Variants in PXDNL observed in about 807,000 individuals in gnomAD.
PXDNL encodes the protein peroxidasin like.
PXDNL carries 145 observed loss-of-function variants against 150.8 expected under a neutral mutation model. The ratio of observed to expected loss-of-function variants is 0.96; its 90% CI spans 0.84 to 1.10. The LOEUF is 1.10. Ranked by LOEUF, PXDNL falls within the 50% of genes least tolerant of loss-of-function variation. PXDNL has a pLI of 0.00. For missense variants in PXDNL, 2,087 were observed against 1,873.9 expected, an observed-to-expected ratio of 1.11 and a Z score of -2.10; for synonymous variants, 757 against 725.7, an observed-to-expected ratio of 1.04 and a Z score of -0.69.
intron 1 of PXDNL, among the ~76,000 whole-genome samples, chr8:51,748,428 C>A (rs557502194): frequency 6.6e-6 from 1 of 152,116 alleles, no homozygotes; most frequent in African/African-American, 2.4e-5. Flanking sequence ...TTGCTCCAGA[C>A]GGTGAGCAGC....
chr8:51,641,257 C>G (rs199914267), intron 2 of PXDNL, among the ~76,000 whole-genome samples: 4 of 151,118 alleles, frequency 2.6e-5, no homozygotes, highest in East Asian at 1.9e-4. Context: ...AACCCTAGAA[C>G]AAAACCTAGG....
At chr8:51,418,519 T>C (rs1011421282) in intron 14 of PXDNL, among the ~76,000 whole-genome samples, 1 of 152,196 alleles carries the variant, frequency 6.6e-6, no homozygotes, top group African/African-American at 2.4e-5. Flanking sequence ...ATGACAAATA[T>C]TGGGATTAAA....
intron 19 of PXDNL, among the ~76,000 whole-genome samples, chr8:51,347,929 C>T (rs534602736): frequency 2.1e-4 from 32 of 152,000 alleles, no homozygotes; most frequent in Middle Eastern, 3.4e-3. Flanking sequence ...GAAATATTTA[C>T]GAAGAATACA....
rs1438670936 is a variant in PXDNL, at chr8:51,457,522, T to C, written c.958A>G (p.Met320Val). ...CCTGGAAGACTGGAGTATCTGAGCA[T>C]GGCACTCTGTGTCTTGGCTTCCCCA... ...SAGEAKTQSAMLRYSSLPAKP... is the reference protein window; with the variant it reads ...SAGEAKTQSAVLRYSSLPAKP... Residue 320 changes from methionine (M) to valine (V), a missense_variant, in exon 9 of 23, where the codon ATG (methionine) becomes GTG (valine). Physicochemically the swap from Met to Val is conservative, Grantham distance 21 (BLOSUM62 1). Coordinates refer to ENST00000356297, the MANE Select transcript of PXDNL (RefSeq NM_144651.5). 4.3e-6 allele frequency: 7 copies of C among 1,612,850 alleles called. No individual in the cohort carries two copies. Among genetic ancestry groups the C allele is most frequent in the Admixed American group, 1.7e-5 (1 of 59,816 alleles).
At chr8:51,686,858 A>G (rs2130856391) in intron 1 of PXDNL, among the ~76,000 whole-genome samples, 1 of 152,304 alleles carries the variant, frequency 6.6e-6, no homozygotes. Context: ...AAGGCAAACA[A>G]TCTAAGAAAT....
rs373071589 is a variant in PXDNL at position 51,715,908 on chromosome 8, T to TA, written c.165-61149dup. ...ATTACCTGAAAGTTCAACAGAAGTTTAAAAAAAAAAATGCTATTCAGTCCA... is the reference window on the plus strand; with the variant it reads ...ATTACCTGAAAGTTCAACAGAAGTTTAAAAAAAAAAAATGCTATTCAGTCCA... On this transcript the variant is annotated intron_variant, in intron 1 of 22. Transcript: ENST00000356297. Among the ~76,000 whole-genome samples the TA allele has an allele frequency of 1.1e-3, 169 of 147,956 alleles. 1 individual carries two copies. The South Asian group carries it at 0.014, about 13-fold the overall frequency.
rs761400429 is a variant in PXDNL, at chr8:51,453,509, G to A, written c.1249+10C>T. Reference sequence around the variant, plus strand: ...AGGAACATTTCAATCATGACCTTCTGCTCCCATACCTTGTACAATTATGTT... The same window carrying A: ...AGGAACATTTCAATCATGACCTTCTACTCCCATACCTTGTACAATTATGTT... On this transcript the variant is annotated intron_variant, in intron 10 of 22. Transcript: ENST00000356297. 5.6e-6 allele frequency: 9 copies of A among 1,613,252 alleles called. No homozygotes were observed. In the African/African-American group the frequency reaches 1.2e-4, roughly 22 times the overall value.
chr8:51,411,363 G>T lies in PXDNL; in HGVS notation c.1949C>A (p.Pro650Gln). Residue 650 changes from proline to glutamine, a missense_variant, in exon 16 of 23, where the codon CCG becomes CAG. Pro to Gln is a moderately conservative substitution (Grantham distance 76, BLOSUM62 -1). Coordinates refer to ENST00000356297, the MANE Select transcript of PXDNL (RefSeq NM_144651.5). ...SSDLLAQFHY[P>Q]RDPLIVEMAR... ...CATTTCCACAATCAGTGGGTCACGCGGGTAATGAAATTGAGCCAGCAGGTC... is the reference window on the plus strand; with the variant it reads ...CATTTCCACAATCAGTGGGTCACGCTGGTAATGAAATTGAGCCAGCAGGTC... 1 of 1,580,064 alleles carries T rather than the reference G, an allele frequency of 6.3e-7. No individual in the cohort carries two copies. Among genetic ancestry groups the T allele is most frequent in the Non-Finnish European group, 8.6e-7 (1 of 1,167,530 alleles).
chr8:51,445,570 C>T (rs547266761), intron 12 of PXDNL, among the ~76,000 whole-genome samples: 21 of 152,270 alleles, frequency 1.4e-4, no homozygotes, highest in Non-Finnish European at 2.4e-4. Flanking sequence ...AGAGAGTCGA[C>T]GAAGCCTCCA....
At chr8:51,329,620 T>C (rs1805620354) in intron 21 of PXDNL, among the ~76,000 whole-genome samples, 1 of 152,138 alleles carries the variant, frequency 6.6e-6, no homozygotes, top group African/African-American at 2.4e-5. Flanking sequence ...ATTAATACAT[T>C]CATGACCCTA....
intron 2 of PXDNL, among the ~76,000 whole-genome samples, chr8:51,646,735 C>T (rs944708605): frequency 6.6e-6 from 1 of 151,994 alleles, no homozygotes; most frequent in Non-Finnish European, 1.5e-5. Context: ...GGTGTCAGAT[C>T]AAAGGAAGAC....
chr8:51,764,915 C>A (rs1287046049), intron 1 of PXDNL, among the ~76,000 whole-genome samples: 1 of 152,146 alleles, frequency 6.6e-6, no homozygotes, highest in Non-Finnish European at 1.5e-5. Context: ...CCAACTATTA[C>A]TGTTGAATTG....
At chr8:51,801,459 C>T (rs1426325937) in intron 1 of PXDNL, among the ~76,000 whole-genome samples, 4 of 152,128 alleles carry the variant, frequency 2.6e-5, no homozygotes, top group African/African-American at 4.8e-5. Context: ...CATGTTCATA[C>T]ACCCCCTCCC....
chr8:51,760,816 C>T (rs979789073), intron 1 of PXDNL, among the ~76,000 whole-genome samples: 1 of 131,446 alleles, frequency 7.6e-6, no homozygotes, highest in Non-Finnish European at 1.6e-5. Context: ...CAGCCAGGTT[C>T]ATGGTTAGCC....
At chr8:51,781,243 A>T (rs938479349) in intron 1 of PXDNL, among the ~76,000 whole-genome samples, 35 of 152,166 alleles carry the variant, frequency 2.3e-4, no homozygotes, top group African/African-American at 8.4e-4. Flanking sequence ...TCTACAGTGA[A>T]AAAGCGGAGA....
rs932520411 is a variant in PXDNL at position 51,608,461 on chromosome 8, C to T, written c.237-15763G>A. On this transcript the variant is annotated intron_variant, in intron 2 of 22. Coordinates refer to ENST00000356297, the MANE Select transcript of PXDNL (RefSeq NM_144651.5). Reference sequence around the variant, plus strand: ...CCCAAAGTCATGATGTCATCAGGCTCATCTCAGGACAACTCTTTCATTGAC... The same window carrying T: ...CCCAAAGTCATGATGTCATCAGGCTTATCTCAGGACAACTCTTTCATTGAC... 2.0e-5 allele frequency among the ~76,000 whole-genome samples: 3 copies of T among 148,188 alleles called. 1 individual carries two copies. Among genetic ancestry groups the T allele is most frequent in the Admixed American group, 1.3e-4 (2 of 15,058 alleles).
At chr8:51,496,967 G>C (rs139350789) in intron 5 of PXDNL, among the ~76,000 whole-genome samples, 4 of 151,962 alleles carry the variant, frequency 2.6e-5, no homozygotes, top group African/African-American at 9.7e-5. Flanking sequence ...AAAAGAGCCC[G>C]GATTGCCAAG....
chr8:51,528,780 G>A (rs1256771441), intron 4 of PXDNL, among the ~76,000 whole-genome samples: 5 of 152,180 alleles, frequency 3.3e-5, no homozygotes, highest in Non-Finnish European at 4.4e-5. Context: ...GCAGGCCCAC[G>A]ACTGCCAGCA....
At chr8:51,573,900 C>T (rs565446698) in intron 3 of PXDNL, among the ~76,000 whole-genome samples, 42 of 151,740 alleles carry the variant, frequency 2.8e-4, no homozygotes, top group Non-Finnish European at 5.3e-4. Flanking sequence ...TTTAGTATTT[C>T]GAAGAAAATG....
Sources: gnomAD v4.1 joint callset for allele counts (sites outside exome capture counted in the v4.1 genomes callset) on GRCh38, gnomAD v4.1.1 for gene constraint, MANE v1.5 for transcripts, NCBI Gene and HGNC (gene_info 2026-07-23, HGNC 2026-07-21) for gene names.